Variants in PBK observed in about 807,000 individuals in gnomAD.
PBK encodes the protein lymphokine-activated killer T-cell-originated protein kinase.
A neutral mutation model predicts 33.5 loss-of-function variants in PBK; 22 were observed. That is an observed-to-expected ratio of 0.66 (90% CI 0.47 to 0.94). The LOEUF (loss-of-function observed/expected upper bound fraction) is 0.94, where lower values mean the gene tolerates loss of function less well. PBK is among the 40% of genes least tolerant of loss of function. The probability of loss-of-function intolerance (pLI) is 0.00; values close to 1 mark genes in which losing one functional copy is unlikely to be tolerated. For synonymous variants in PBK, 129 were observed against 123.8 expected, an observed-to-expected ratio of 1.04 and a Z score of -0.28; for missense variants, 376 against 383.4, an observed-to-expected ratio of 0.98 and a Z score of 0.16.
intron 1 of PBK, among the ~76,000 whole-genome samples, chr8:27,835,637 T>G: frequency 6.6e-6 from 1 of 151,988 alleles, no homozygotes; most frequent in East Asian, 1.9e-4. Flanking sequence ...CTGCAACCTC[T>G]GCCTCCCAGG....
chr8:27,827,170 C>T (rs1806041440), intron 3 of PBK, among the ~76,000 whole-genome samples: 1 of 152,120 alleles, frequency 6.6e-6, no homozygotes. Context: ...TAGACTGATT[C>T]CAAGAATGCA....
At chr8:27,814,876 A>G (rs1805780568) in intron 6 of PBK, among the ~76,000 whole-genome samples, 1 of 152,164 alleles carries the variant, frequency 6.6e-6, no homozygotes, top group Non-Finnish European at 1.5e-5. Flanking sequence ...GATTCCTCCC[A>G]TAGTGTCATA....
intron 1 of PBK, among the ~76,000 whole-genome samples, chr8:27,836,593 C>T (rs546135789): frequency 7.9e-5 from 12 of 151,946 alleles, no homozygotes; most frequent in Non-Finnish European, 1.5e-4. Flanking sequence ...AAATGAAAAA[C>T]AAAGCAACCA....
At chr8:27,815,791 G>A (rs950359254) in intron 6 of PBK, among the ~76,000 whole-genome samples, 14 of 152,174 alleles carry the variant, frequency 9.2e-5, no homozygotes, top group African/African-American at 2.7e-4. Flanking sequence ...ATAATAGCAT[G>A]TGACATAGTG....
In PBK at chr8:27,833,152, G is replaced by A. The variant is rs1806161589; in HGVS notation, c.-20-19C>T. 3.7e-6 allele frequency: 5 copies of A among 1,335,488 alleles called. No homozygotes were observed. The highest frequency in any genetic ancestry group is 5.2e-6 in the Non-Finnish European group (5 of 953,024). The allele number at this position is 1,335,488 out of a possible 1,614,324, so 82.7% of individuals were successfully genotyped here. A position where few individuals can be genotyped will look rare whatever the true frequency, so the allele number is the denominator to read the frequency against. On this transcript the variant is annotated intron_variant, in intron 1 of 7. Transcript: ENST00000301905. ...CTCAGTCCTACGATGAAAACAAATT[G>A]CAAGTTACACAGCAGATATAAAGAA...
intron 6 of PBK, among the ~76,000 whole-genome samples, chr8:27,818,846 C>T (rs1478662651): frequency 6.6e-6 from 1 of 152,048 alleles, no homozygotes; most frequent in East Asian, 1.9e-4. Flanking sequence ...TATTTATCTA[C>T]AATTTTTTCT....
intron 5 of PBK, among the ~76,000 whole-genome samples, 167 bp from the exon 6 acceptor site, chr8:27,820,861 TTG>T (rs1300119286): frequency 6.6e-6 from 1 of 151,678 alleles, no homozygotes; most frequent in African/African-American, 2.4e-5. Flanking sequence ...TCTCACTCTG[TTG>T]CCCAGGCTGG....
intron 3 of PBK, among the ~76,000 whole-genome samples, chr8:27,826,313 T>A (rs1481050266): frequency 2.0e-5 from 3 of 152,266 alleles, no homozygotes; most frequent in Middle Eastern, 3.4e-3. Context: ...CTCAAAAAAA[T>A]ATATCTTCTG....
intron 6 of PBK, among the ~76,000 whole-genome samples, chr8:27,815,350 A>G (rs2128961908): frequency 6.6e-6 from 1 of 152,326 alleles, no homozygotes; most frequent in East Asian, 1.9e-4. Flanking sequence ...CTAGGAGGGT[A>G]CCCAGTACCA....
chr8:27,835,855 A>C (rs1367351693), intron 1 of PBK, among the ~76,000 whole-genome samples: 1 of 152,182 alleles, frequency 6.6e-6, no homozygotes, highest in East Asian at 1.9e-4. Flanking sequence ...AGCTTCTTCT[A>C]AGATTTCTAT....
At chr8:27,831,574 C>T (rs1585435635) in intron 2 of PBK, among the ~76,000 whole-genome samples, 2 of 112,336 alleles carry the variant, frequency 1.8e-5, no homozygotes, top group South Asian at 6.1e-4. Context: ...AACACCGTAC[C>T]CAGTAAGAGT....
intron 6 of PBK, 120 bp from the exon 7 acceptor site, chr8:27,811,254 A>G: frequency 1.3e-6 from 1 of 771,690 alleles, no homozygotes; most frequent in East Asian, 2.6e-5. Context: ...GTGTAGCCAG[A>G]AAATGTAAAA....
At chr8:27,811,239 A>C (rs894103368) in intron 6 of PBK, 105 bp from the exon 7 acceptor site, 2 of 917,492 alleles carry the variant, frequency 2.2e-6, no homozygotes, top group Non-Finnish European at 3.5e-6. Flanking sequence ...TTCACAGGTT[A>C]ATCAGTGTAG....
rs1328872490 is a variant in PBK, at chr8:27,833,069, T to C, written c.45A>G (p.Glu15=). ...SNFKTPSKLS[E]KKKSVLCSTP... is the part of the protein sequence containing the mutation. ...CTGCTATCTTACCAGATTTCTTTTT[T>C]TCTGATAATTTGCTTGGTGTCTTGA... The change falls in exon 2 of 8, where the codon GAA becomes GAG. Residue 15 remains glutamate, a synonymous_variant. Transcript: ENST00000301905. 3.8e-6 allele frequency: 6 copies of C among 1,594,088 alleles called. No individual in the cohort carries two copies. Among genetic ancestry groups the C allele is most frequent in the Non-Finnish European group, 5.1e-6 (6 of 1,168,806 alleles).
At chr8:27,832,730 A>T (rs1409466719) in intron 2 of PBK, among the ~76,000 whole-genome samples, 1 of 152,168 alleles carries the variant, frequency 6.6e-6, no homozygotes, top group Non-Finnish European at 1.5e-5. Flanking sequence ...TTGTCCATTG[A>T]GTTGCCTTGG....
chr8:27,828,007 G>T, intron 3 of PBK, 98 bp downstream of exon 3: 1 of 631,154 alleles, frequency 1.6e-6, no homozygotes. Flanking sequence ...GCAGACAACC[G>T]AATCTAAATA....
At chr8:27,829,426 G>C (rs954725500) in intron 2 of PBK, among the ~76,000 whole-genome samples, 14 of 152,094 alleles carry the variant, frequency 9.2e-5, no homozygotes, top group African/African-American at 2.9e-4. Flanking sequence ...CTAATGTGCA[G>C]GTAACTTAAC....
rs1005828025 is a variant in PBK, at chr8:27,810,028, T to C, written c.*277A>G. 5.4e-6 allele frequency: 2 copies of C among 371,600 alleles called. No individual in the cohort carries two copies. The highest frequency in any genetic ancestry group is 3.7e-5 in the South Asian group (1 of 26,768). 23.0% of individuals were successfully genotyped at this position (371,600 alleles called of 1,614,324 possible). ...GGTCATTCAATTTAATGTTACAGTTTACAGCGTTTTACTGCTAGTGTTTTA... is the reference window on the plus strand; with the variant it reads ...GGTCATTCAATTTAATGTTACAGTTCACAGCGTTTTACTGCTAGTGTTTTA... On this transcript the variant is annotated 3_prime_UTR_variant, in exon 8 of 8. Coordinates refer to ENST00000301905, the MANE Select transcript of PBK (RefSeq NM_018492.4).
intron 6 of PBK, among the ~76,000 whole-genome samples, chr8:27,817,812 G>A (rs147991120): frequency 1.2e-4 from 18 of 152,166 alleles, no homozygotes; most frequent in African/African-American, 3.9e-4. Flanking sequence ...TCATTTCTGA[G>A]CTTGAGCATT....
Sources: allele counts gnomAD v4.1 joint callset (sites outside exome capture counted in the v4.1 genomes callset), GRCh38; gene constraint gnomAD v4.1.1; transcripts MANE v1.5; gene names NCBI Gene and HGNC (gene_info 2026-07-23, HGNC 2026-07-21).